PASD1: variants seen among roughly 807,000 people sequenced by gnomAD.
The protein encoded by PASD1 is PAS domain containing repressor 1, also known as circadian clock protein PASD1.
In PASD1, 13 loss-of-function variants were observed where a neutral mutation model predicts 58.8. The observed-to-expected ratio is 0.22, with a 90% CI of 0.14 to 0.35. The LOEUF (loss-of-function observed/expected upper bound fraction) is 0.35. Among genes scored for constraint, PASD1 ranks in the 10% least tolerant of loss-of-function variants. The probability of loss-of-function intolerance (pLI) is 1.00; values close to 1 mark genes in which losing one functional copy is unlikely to be tolerated. For synonymous variants in PASD1, 236 were observed against 216.7 expected, an observed-to-expected ratio of 1.09 and a Z score of -0.78; for missense variants, 734 against 568.3, an observed-to-expected ratio of 1.29 and a Z score of -2.96.
intron 8 of PASD1, among the ~76,000 whole-genome samples, chrX:151,634,361 A>G (rs1428273585): frequency 9.0e-6 from 1 of 111,133 alleles, no homozygotes; most frequent in Non-Finnish European, 1.9e-5. Context: ...ACTTCTATGT[A>G]TTTCCTATGT....
chrX:151,625,466 G>T lies in PASD1; in HGVS notation c.565G>T (p.Ala189Ser). ...QLLQQLYTSK[A>S]VSDEAVLTQD... ...TCTGCAGCAACTTTACACTTCAAAG[G>T]CAGTCAGTGATGAAGCTGTACTTAC... Residue 189 changes from alanine to serine, a missense_variant, in exon 8 of 16, where the codon GCA (alanine) becomes TCA (serine). By Grantham distance (99) the Ala-to-Ser change is moderately conservative. Transcript: ENST00000370357. 1 of 1,208,080 alleles carries T rather than the reference G, an allele frequency of 8.3e-7. No homozygotes were observed. The highest frequency in any genetic ancestry group is 1.1e-6 in the Non-Finnish European group (1 of 893,439).
At position 151,574,956 on chromosome X, in the gene PASD1, C is replaced by T. The variant is rs148976332; in HGVS notation, c.-28+11117C>T. On this transcript the variant is annotated intron_variant, in intron 1 of 15. Coordinates refer to ENST00000370357, the MANE Select transcript of PASD1 (RefSeq NM_173493.3). ...TGTGAGCCACTGCTCCCAGCCATCA[C>T]GCACTTTTGTATCTATAAACCAAGG... 3.8e-4 allele frequency among the ~76,000 whole-genome samples: 43 copies of T among 111,791 alleles called. 1 individual carries two copies. The South Asian group carries it at 0.016, about 41-fold the overall frequency.
At chrX:151,622,892 A>T in intron 6 of PASD1, 45 bp from the exon 7 acceptor site, 1 of 1,164,965 alleles carries the variant, frequency 8.6e-7, no homozygotes, top group South Asian at 2.0e-5. Flanking sequence ...TTCTTGTTTA[A>T]CTGGTCCACC....
At chrX:151,654,779 C>A (rs1436260214) in intron 9 of PASD1, among the ~76,000 whole-genome samples, 1 of 110,992 alleles carries the variant, frequency 9.0e-6, no homozygotes, top group Non-Finnish European at 1.9e-5. Flanking sequence ...GGAATGGTGG[C>A]AGGTAAATAA....
chrX:151,636,907 C>T (rs1466366781), intron 8 of PASD1, among the ~76,000 whole-genome samples: 1 of 111,317 alleles, frequency 9.0e-6, no homozygotes, highest in Admixed American at 9.6e-5. Context: ...CAGCCCTACC[C>T]CACCTCACCC....
chrX:151,626,366 A>G (rs1411181529), intron 8 of PASD1, among the ~76,000 whole-genome samples: 2 of 112,098 alleles, frequency 1.8e-5, no homozygotes, highest in African/African-American at 6.5e-5. Flanking sequence ...AAGTAAAAAT[A>G]TATTCCTAAC....
Position 151,611,729 on chromosome X carries a change from C to G in PASD1, c.183C>G (p.Ile61Met). The change falls in exon 4 of 16, where the codon ATC becomes ATG. Residue 61 changes from isoleucine to methionine, a missense_variant. Ile to Met is a conservative substitution (Grantham distance 10). Transcript: ENST00000370357. ...DGVIICVAEN[I>M]SSLLGHLPAE... The stretch of plus-strand genomic sequence containing the variant: ...TGATCATTTGTGTGGCTGAAAACAT[C>G]TCTTCTCTTCTTGGACATTTACCAG... 5.0e-6 allele frequency: 6 copies of G among 1,204,863 alleles called. No homozygotes were observed. Among genetic ancestry groups the G allele is most frequent in the Non-Finnish European group, 6.7e-6 (6 of 891,179 alleles).
intron 8 of PASD1, among the ~76,000 whole-genome samples, chrX:151,634,254 TTCTTCCCTCTC>T (rs1344006122): frequency 1.8e-5 from 2 of 111,386 alleles, no homozygotes; most frequent in Non-Finnish European, 3.8e-5. Context: ...TCCCCATCTT[TTCTTCCCTCTC>T]TCTTCTCTCT....
At chrX:151,605,927 A>G (rs779011419) in intron 3 of PASD1, among the ~76,000 whole-genome samples, 1 of 112,391 alleles carries the variant, frequency 8.9e-6, no homozygotes, top group East Asian at 2.8e-4. Flanking sequence ...GGAATCCTAT[A>G]CACAAATATT....
Position 151,574,023 on chromosome X carries a change from A to C in PASD1, c.-28+10184A>C, listed in dbSNP as rs927988003. 2.7e-5 allele frequency among the ~76,000 whole-genome samples: 3 copies of C among 112,549 alleles called. No individual in the cohort carries two copies. In the Admixed American group the frequency reaches 2.8e-4, roughly 11 times the overall value. ...AAGGTAGAAATGAATTTAATAAACC[A>C]AACCAAACTCAAACCTGTCTAACTA... is the stretch of plus-strand genomic sequence containing the variant. On this transcript the variant is annotated intron_variant, in intron 1 of 15. Transcript: ENST00000370357.
At chrX:151,653,811 C>T (rs760383833) in intron 9 of PASD1, among the ~76,000 whole-genome samples, 483 of 14,462 alleles carry the variant, frequency 0.033, 6 homozygotes, top group East Asian at 0.086. Context: ...TCCTTCCTTC[C>T]TTCCTTCCTT....
At chrX:151,675,502 C>A (rs1168191774) in intron 15 of PASD1, among the ~76,000 whole-genome samples, 1 of 112,401 alleles carries the variant, frequency 8.9e-6, no homozygotes, top group East Asian at 2.8e-4. Flanking sequence ...AATCCCTCCT[C>A]CTTAACCAGA....
intron 9 of PASD1, among the ~76,000 whole-genome samples, chrX:151,652,154 T>A (rs1274958351): frequency 8.9e-6 from 1 of 111,893 alleles, no homozygotes; most frequent in Non-Finnish European, 1.9e-5. Context: ...GAAAAATTGT[T>A]GCTCTAGAGG....
chrX:151,616,085 A>T (rs189036877), intron 4 of PASD1, among the ~76,000 whole-genome samples: 12 of 112,351 alleles, frequency 1.1e-4, no homozygotes, highest in African/African-American at 2.3e-4. Context: ...AATAGAGATG[A>T]TAAAGTCAGA....
chrX:151,600,156 C>T (rs931829275), intron 1 of PASD1, among the ~76,000 whole-genome samples: 4 of 111,393 alleles, frequency 3.6e-5, no homozygotes, highest in Non-Finnish European at 7.5e-5. Flanking sequence ...CCCAGGCACT[C>T]GACAGGCTGA....
chrX:151,670,191 C>CCCA (rs766241965), intron 11 of PASD1, among the ~76,000 whole-genome samples: 6 of 112,011 alleles, frequency 5.4e-5, no homozygotes, highest in Non-Finnish European at 1.1e-4. Flanking sequence ...CTTCGTTTCT[C>CCCA]CCACCACTTG....
chrX:151,607,950 G>A lies in PASD1; in HGVS notation c.117+3216G>A, dbSNP rs188024867. Among the ~76,000 whole-genome samples, 843 of 111,645 alleles carry A rather than the reference G, an allele frequency of 7.6e-3. 2 individuals are homozygous for A. Among genetic ancestry groups the A allele is most frequent in the South Asian group, 0.023 (61 of 2,615 alleles). On this transcript the variant is annotated intron_variant, in intron 3 of 15. Transcript: ENST00000370357. ...TGAGGAGGCGCATAAACTGAGTCTGGTATAGCTGTAGGTTTTTGTTATTGT... is the reference window on the plus strand; with the variant it reads ...TGAGGAGGCGCATAAACTGAGTCTGATATAGCTGTAGGTTTTTGTTATTGT...
At chrX:151,648,794 CAT>C in intron 9 of PASD1, 92 bp downstream of exon 9, 1 of 1,002,617 alleles carries the variant, frequency 1.0e-6, no homozygotes, top group Non-Finnish European at 1.4e-6. Flanking sequence ...AGAAGTATGT[CAT>C]ATGGATGTGA....
intron 9 of PASD1, among the ~76,000 whole-genome samples, chrX:151,653,589 G>A (rs763692417): frequency 8.3e-4 from 92 of 110,319 alleles, no homozygotes; most frequent in African/African-American, 3.0e-3. Context: ...GAGCAACTGG[G>A]AGGATAATGT....
Sources: allele counts gnomAD v4.1 joint callset (sites outside exome capture counted in the v4.1 genomes callset), GRCh38; gene constraint gnomAD v4.1.1; transcripts MANE v1.5; gene names NCBI Gene and HGNC (gene_info 2026-07-23, HGNC 2026-07-21).